FOCAD: variants seen among roughly 807,000 people sequenced by gnomAD.
FOCAD encodes KIAA1797.
Under a neutral mutation model 225.6 loss-of-function variants are expected in FOCAD, and 198 were observed. The ratio of observed to expected loss-of-function variants is 0.88; its 90% confidence interval spans 0.78 to 0.99. The LOEUF is 0.99. Ranked by LOEUF, FOCAD falls within the 50% of genes least tolerant of loss-of-function variation. FOCAD has a pLI of 0.00. For synonymous variants in FOCAD, 897 were observed against 755.0 expected, an observed-to-expected ratio of 1.19 and a Z score of -3.08; for missense variants, 2,713 against 2,123.6, an observed-to-expected ratio of 1.28 and a Z score of -5.46.
At chr9:20,671,283 A>C (rs1429620254) in intron 2 of FOCAD, among the ~76,000 whole-genome samples, 2 of 151,842 alleles carry the variant, frequency 1.3e-5, no homozygotes, top group Non-Finnish European at 2.9e-5. Flanking sequence ...CAAGAACTGG[A>C]AGCCTTAAAA....
intron 18 of FOCAD, among the ~76,000 whole-genome samples, chr9:20,872,480 C>T (rs1412061526): frequency 1.3e-5 from 2 of 150,938 alleles, no homozygotes; most frequent in African/African-American, 2.4e-5. Context: ...AGTGACTTTT[C>T]CCCGACTCCC....
chr9:20,911,798 C>T (rs1200736530), intron 22 of FOCAD, among the ~76,000 whole-genome samples: 1 of 152,116 alleles, frequency 6.6e-6, no homozygotes, highest in African/African-American at 2.4e-5. Context: ...CAATGTGTAT[C>T]ACTTTTCTAA....
chr9:20,834,215 C>T (rs750908264), intron 15 of FOCAD, among the ~76,000 whole-genome samples: 7 of 152,040 alleles, frequency 4.6e-5, no homozygotes, highest in East Asian at 1.9e-4. Flanking sequence ...AACCAAACAC[C>T]GCATGTTGTC....
At chr9:20,843,196 AG>A (rs1826720583) in intron 15 of FOCAD, among the ~76,000 whole-genome samples, 1 of 152,070 alleles carries the variant, frequency 6.6e-6, no homozygotes, top group African/African-American at 2.4e-5. Context: ...TACTATTAAC[AG>A]TGAATTTTGT....
At chr9:20,792,234 A>G (rs1820612337) in intron 11 of FOCAD, among the ~76,000 whole-genome samples, 1 of 152,218 alleles carries the variant, frequency 6.6e-6, no homozygotes, top group African/African-American at 2.4e-5. Context: ...AAGATTAAAT[A>G]CTTAGGTATC....
intron 35 of FOCAD, among the ~76,000 whole-genome samples, chr9:20,968,327 G>T (rs776862808): frequency 3.4e-5 from 5 of 148,244 alleles, no homozygotes; most frequent in Non-Finnish European, 6.0e-5. Context: ...GATTTTATTT[G>T]CATGCTCTTT....
intron 11 of FOCAD, among the ~76,000 whole-genome samples, chr9:20,805,215 A>G (rs1822292967): frequency 6.6e-6 from 1 of 152,204 alleles, no homozygotes; most frequent in African/African-American, 2.4e-5. Flanking sequence ...GATTAGGTGA[A>G]TATATATTTT....
upstream of FOCAD, among the ~76,000 whole-genome samples, chr9:20,655,880 T>A (rs919522224): frequency 2.0e-4 from 30 of 152,166 alleles, no homozygotes; most frequent in African/African-American, 7.2e-4. Context: ...GGGTGTCAAT[T>A]TTAGATCTTT....
intron 2 of FOCAD, among the ~76,000 whole-genome samples, chr9:20,659,350 T>C (rs1821627933): frequency 6.8e-6 from 1 of 147,946 alleles, no homozygotes; most frequent in African/African-American, 2.5e-5. Context: ...GAGGTTGCAG[T>C]GAGTCAAGAT....
At chr9:20,953,159 A>G (rs1210400290) in intron 35 of FOCAD, 94 bp downstream of exon 35, 8 of 989,976 alleles carry the variant, frequency 8.1e-6, no homozygotes, top group Non-Finnish European at 1.2e-5. Flanking sequence ...AGAATCAAGC[A>G]ATATAAATCT....
chr9:20,784,371 T>C (rs1393660573), intron 10 of FOCAD, among the ~76,000 whole-genome samples: 1 of 152,100 alleles, frequency 6.6e-6, no homozygotes, highest in Non-Finnish European at 1.5e-5. Flanking sequence ...AAAGGAGAAA[T>C]GTTGAAAAGG....
intron 35 of FOCAD, among the ~76,000 whole-genome samples, chr9:20,975,647 G>A (rs979862099): frequency 6.6e-6 from 1 of 152,228 alleles, no homozygotes; most frequent in Non-Finnish European, 1.5e-5. Flanking sequence ...AAAAAGACAA[G>A]AGTGTGCAGA....
intron 22 of FOCAD, 91 bp from the exon 23 acceptor site, chr9:20,912,775 T>C (rs1833543318): frequency 9.7e-7 from 1 of 1,026,410 alleles, no homozygotes; most frequent in East Asian, 2.4e-5. Flanking sequence ...TAAGGCCAAA[T>C]GGAAAAGGAT....
At position 20,722,831 on chromosome 9, in the gene FOCAD, G is replaced by C. The variant is rs10964675; in HGVS notation, c.287+2297G>C. 3.3e-5 allele frequency among the ~76,000 whole-genome samples: 5 copies of C among 152,158 alleles called. No homozygotes were observed. In the East Asian group the frequency reaches 9.7e-4, roughly 29 times the overall value. On this transcript the variant is annotated intron_variant, in intron 4 of 43. Coordinates refer to ENST00000338382, the MANE Select transcript of FOCAD (RefSeq NM_001375567.1). ...ACCTTTTTTATTTGTGAAATGCAGG[G>C]ATGGTATTTTTTGCCCCCCACCCCA...
chr9:20,777,963 G>A (rs1179351110), intron 8 of FOCAD, among the ~76,000 whole-genome samples: 1 of 151,360 alleles, frequency 6.6e-6, no homozygotes, highest in African/African-American at 2.4e-5. Flanking sequence ...AGTGGCGGGC[G>A]CCTGTAGTCC....
intron 15 of FOCAD, among the ~76,000 whole-genome samples, chr9:20,845,967 CAAATGTTTATTA>C (rs1827063303): frequency 6.6e-6 from 1 of 152,094 alleles, no homozygotes; most frequent in East Asian, 1.9e-4. Flanking sequence ...AAGGAAATCT[CAAATGTTTATTA>C]TGAGGTTTTG....
chr9:20,713,252 T>G (rs1410449178), intron 1 of FOCAD, among the ~76,000 whole-genome samples: 1 of 152,174 alleles, frequency 6.6e-6, no homozygotes, highest in Admixed American at 6.5e-5. Flanking sequence ...TTGACCTGAT[T>G]TACCATTCTT....
chr9:20,933,414 C>T (rs184073763), intron 28 of FOCAD, among the ~76,000 whole-genome samples: 308 of 152,296 alleles, frequency 2.0e-3, no homozygotes, highest in Non-Finnish European at 2.2e-3. Flanking sequence ...ATCCTCATAG[C>T]TTAGCTCCCA....
At chr9:20,660,934 C>T (rs1445496854) in intron 2 of FOCAD, among the ~76,000 whole-genome samples, 3 of 152,056 alleles carry the variant, frequency 2.0e-5, no homozygotes, top group East Asian at 3.9e-4. Context: ...GGGGACATTC[C>T]ATGACAAGAC....
Sources: gnomAD v4.1 joint callset for allele counts (sites outside exome capture counted in the v4.1 genomes callset) on GRCh38, gnomAD v4.1.1 for gene constraint, MANE v1.5 for transcripts, NCBI Gene and HGNC (gene_info 2026-07-23, HGNC 2026-07-21) for gene names.